Variants in TENM3 observed in about 807,000 individuals in gnomAD.
The protein encoded by TENM3 is teneurin-3.
In TENM3, 63 loss-of-function variants were observed where a neutral mutation model predicts 255.1. That is an observed-to-expected ratio of 0.25 (90% CI 0.20 to 0.30). The LOEUF is 0.30. TENM3 is among the 10% of genes least tolerant of loss of function. TENM3 has a pLI of 1.00. For synonymous variants in TENM3, 1,306 were observed against 1,322.3 expected (o/e 0.99, Z 0.27); for missense variants, 2,929 against 3,461.1 (o/e 0.85, Z 3.86).
chr4:182,799,510 G>C lies in TENM3; in HGVS notation c.7345-86G>C, dbSNP rs1439893406. On this transcript the variant is annotated intron_variant, in intron 27 of 27. Transcript: ENST00000511685. The surrounding 1 kb of genome is among the most constrained non-coding windows in gnomAD (Gnocchi z 4.2). ...CCGGGGCTTCCATGCATGCCCCGGC[G>C]CTGCCCCCAGAGTCCCGTGTGTGGG... 11 of 1,481,262 alleles carry C rather than the reference G, an allele frequency of 7.4e-6. No homozygotes were observed. In the Admixed American group the frequency reaches 8.0e-5, roughly 11 times the overall value. The allele number at this position is 1,481,262 out of a possible 1,614,324, so 91.8% of individuals were successfully genotyped here. A position where few individuals can be genotyped will look rare whatever the true frequency, so the allele number is the denominator to read the frequency against.
the TENM3 span, among the ~76,000 whole-genome samples, chr4:181,994,654 A>T: frequency 6.7e-6 from 1 of 150,168 alleles, no homozygotes; most frequent in Non-Finnish European, 1.5e-5. Flanking sequence ...TAAACTGAAC[A>T]TTTTCATGTA....
intron 3 of TENM3, among the ~76,000 whole-genome samples, chr4:182,433,608 A>G (rs1220361851): frequency 6.6e-6 from 1 of 152,204 alleles, no homozygotes; most frequent in Non-Finnish European, 1.5e-5. Flanking sequence ...AGTGCAAGAT[A>G]AAACTCGAGT....
the TENM3 span, among the ~76,000 whole-genome samples, chr4:181,810,269 A>T: frequency 6.6e-6 from 1 of 152,062 alleles, no homozygotes; most frequent in East Asian, 2.0e-4. Context: ...TCTGAACCTC[A>T]GTGTCTGCAG....
At chr4:182,280,461 A>G (rs567124660) in intron 1 of TENM3, among the ~76,000 whole-genome samples, 1 of 152,224 alleles carries the variant, frequency 6.6e-6, no homozygotes, top group Non-Finnish European at 1.5e-5. Flanking sequence ...TTGACAGTTT[A>G]TCTCTTACTC....
At chr4:182,475,689 T>A (rs1335576114) in intron 3 of TENM3, among the ~76,000 whole-genome samples, 1 of 152,174 alleles carries the variant, frequency 6.6e-6, no homozygotes, top group Non-Finnish European at 1.5e-5. Flanking sequence ...CTTGTGAAAA[T>A]GACAAGTAGT....
At chr4:181,848,333 G>T in the TENM3 span, among the ~76,000 whole-genome samples, 1 of 152,136 alleles carries the variant, frequency 6.6e-6, no homozygotes, top group Non-Finnish European at 1.5e-5. Context: ...GAGGAAGCTT[G>T]GGCTAAGATT....
At chr4:182,092,938 A>G in the TENM3 span, among the ~76,000 whole-genome samples, 1 of 152,178 alleles carries the variant, frequency 6.6e-6, no homozygotes, top group Non-Finnish European at 1.5e-5. Flanking sequence ...CTCCATGCCT[A>G]TCTAAGAATC....
intron 3 of TENM3, among the ~76,000 whole-genome samples, chr4:182,534,131 G>A (rs536131153): frequency 5.9e-5 from 9 of 152,254 alleles, no homozygotes; most frequent in Non-Finnish European, 1.2e-4. Context: ...AAGTCTGTTG[G>A]GGGAGATGAT....
At chr4:181,570,558 G>GA in the TENM3 span, among the ~76,000 whole-genome samples, 6 of 138,298 alleles carry the variant, frequency 4.3e-5, no homozygotes, top group Admixed American at 2.2e-4. Context: ...AAGAGAGAGA[G>GA]AAAAAAAAGA....
At chr4:182,563,347 C>T (rs371862292) in intron 3 of TENM3, among the ~76,000 whole-genome samples, 3 of 152,000 alleles carry the variant, frequency 2.0e-5, no homozygotes, top group Admixed American at 6.6e-5. Context: ...GCAGGAGAAT[C>T]GCTAGAAACC....
At chr4:182,543,181 G>T (rs1741066485) in intron 3 of TENM3, among the ~76,000 whole-genome samples, 1 of 151,540 alleles carries the variant, frequency 6.6e-6, no homozygotes, top group Non-Finnish European at 1.5e-5. Context: ...ATGGATGCAA[G>T]GATGGAGGGA....
the TENM3 span, among the ~76,000 whole-genome samples, chr4:181,732,621 A>G: frequency 6.6e-6 from 1 of 152,214 alleles, no homozygotes; most frequent in African/African-American, 2.4e-5. Context: ...TCAGATTTGC[A>G]TAACGTTTGC....
chr4:181,867,967 GAA>G, the TENM3 span, among the ~76,000 whole-genome samples: 4 of 152,182 alleles, frequency 2.6e-5, 1 homozygote, highest in South Asian at 8.3e-4. Context: ...GGGAATTGAG[GAA>G]AAGTTTTCAA....
the TENM3 span, among the ~76,000 whole-genome samples, chr4:182,037,690 T>C: frequency 6.6e-6 from 1 of 152,218 alleles, no homozygotes; most frequent in Non-Finnish European, 1.5e-5. Context: ...TTTTTTCCTA[T>C]GGTGTTTAGC....
intron 3 of TENM3, among the ~76,000 whole-genome samples, chr4:182,560,675 A>T (rs1580939059): frequency 6.6e-6 from 1 of 152,178 alleles, no homozygotes; most frequent in African/African-American, 2.4e-5. Flanking sequence ...CATCTGTTTC[A>T]TGCTGCTTCT....
At chr4:182,513,656 A>C (rs1378031060) in intron 3 of TENM3, among the ~76,000 whole-genome samples, 1 of 152,204 alleles carries the variant, frequency 6.6e-6, no homozygotes, top group Non-Finnish European at 1.5e-5. Context: ...ACAGATGTGG[A>C]GGAACTGTGT....
chr4:182,448,832 C>A (rs1168604803), intron 3 of TENM3, among the ~76,000 whole-genome samples: 1 of 149,822 alleles, frequency 6.7e-6, no homozygotes, highest in African/African-American at 2.5e-5. Context: ...GGTGAGGCGG[C>A]GGCCGAGCCG....
chr4:181,800,196 G>A, the TENM3 span, among the ~76,000 whole-genome samples: 1 of 152,180 alleles, frequency 6.6e-6, no homozygotes, highest in African/African-American at 2.4e-5. Flanking sequence ...ACCGTGTAAT[G>A]ACCTAACCAG....
chr4:181,769,916 G>A, the TENM3 span, among the ~76,000 whole-genome samples: 1 of 152,180 alleles, frequency 6.6e-6, no homozygotes, highest in Non-Finnish European at 1.5e-5. Context: ...TAAGGGGAAA[G>A]CATGTCATGT....
Sources: gnomAD v4.1 joint callset for allele counts (sites outside exome capture counted in the v4.1 genomes callset) on GRCh38, gnomAD v4.1.1 for gene constraint, Gnocchi (gnomAD v3.1) non-coding constraint, MANE v1.5 for transcripts, NCBI Gene and HGNC (gene_info 2026-07-23, HGNC 2026-07-21) for gene names.